The following MOXD1 variants were observed in gnomAD, a reference collection of about 807,000 sequenced individuals.
MOXD1 encodes the protein DBH-like monooxygenase protein 1.
Under a neutral mutation model 66.6 loss-of-function variants are expected in MOXD1, and 62 were observed. The ratio of observed to expected loss-of-function variants is 0.93; its 90% CI spans 0.76 to 1.15. MOXD1 has a LOEUF of 1.15. Ranked by LOEUF, MOXD1 falls within the 50% of genes most tolerant of loss-of-function variation. The pLI, the probability that MOXD1 is intolerant of heterozygous loss-of-function variation, is 0.00. For synonymous variants in MOXD1, 303 were observed against 281.9 expected (o/e 1.07, Z -0.75); for missense variants, 847 against 754.6 (o/e 1.12, Z -1.44).
chr6:132,354,722 G>C (rs1026963716), intron 4 of MOXD1, among the ~76,000 whole-genome samples: 1 of 152,212 alleles, frequency 6.6e-6, no homozygotes, highest in African/African-American at 2.4e-5. Context: ...ACTCCCAAGA[G>C]TATATAGCGT....
At chr6:132,355,985 G>C (rs1054575417) in intron 4 of MOXD1, among the ~76,000 whole-genome samples, 1 of 152,214 alleles carries the variant, frequency 6.6e-6, no homozygotes, top group African/African-American at 2.4e-5. Context: ...GCCAGACACA[G>C]AAGAGCACTA....
chr6:132,349,370 TATATATACATGTATATATATATACAC>T lies in MOXD1; in HGVS notation c.664-20802_664-20777del, dbSNP rs1263683794. The stretch of plus-strand genomic sequence containing the variant: ...ATATATAGATATATTCCATCATATA[TATATATACATGTATATATATATACAC>T]ATATATATACATATATATATATATA... On this transcript the variant is annotated intron_variant, in intron 4 of 11. Coordinates refer to ENST00000367963, the MANE Select transcript of MOXD1 (RefSeq NM_015529.4). Among the ~76,000 whole-genome samples the T allele has an allele frequency of 3.2e-3, 442 of 137,214 alleles. 78 individuals carry two copies. The highest frequency in any genetic ancestry group is 9.7e-3 in the African/African-American group (352 of 36,250). The allele number at this position is 137,214 out of a possible 152,430, so 90.0% of individuals were successfully genotyped here.
chr6:132,309,159 A>G (rs1040094879), intron 10 of MOXD1, among the ~76,000 whole-genome samples: 55 of 152,222 alleles, frequency 3.6e-4, no homozygotes, highest in Admixed American at 6.5e-5. Context: ...ACTGATAAGC[A>G]TCTTCAGCAA....
intron 4 of MOXD1, among the ~76,000 whole-genome samples, chr6:132,331,764 C>A (rs1386479398): frequency 6.6e-6 from 1 of 152,146 alleles, no homozygotes; most frequent in Non-Finnish European, 1.5e-5. Context: ...GGATTTTAAA[C>A]CAGGCTAGTG....
Position 132,297,281 on chromosome 6 carries a change from T to C in MOXD1, c.1714A>G (p.Arg572Gly), listed in dbSNP as rs1562274180. Residue 572 changes from arginine (R) to glycine (G), a missense_variant, in exon 12 of 12, where the codon AGA (arginine) becomes GGA (glycine). Physicochemically the swap from Arg to Gly is moderately radical, Grantham distance 125 (BLOSUM62 -2). Coordinates refer to ENST00000367963, the MANE Select transcript of MOXD1 (RefSeq NM_015529.4). ...ACCAAAGGTTCTGCTTTATAGGGTC[T>C]TTCTATATCTGGAGGTAATGCTGTC... is the stretch of plus-strand genomic sequence containing the variant. Reference protein sequence around the residue: ...GMTALPPDIERPYKAEPLVCG... With the variant: ...GMTALPPDIEGPYKAEPLVCG... 3 of 1,613,394 alleles carry C rather than the reference T, an allele frequency of 1.9e-6. No homozygotes were observed. Among genetic ancestry groups the C allele is most frequent in the South Asian group, 1.1e-5 (1 of 91,018 alleles).
chr6:132,338,336 ACCTGGTTCTGTTCTAGGTT>A (rs1180429896), intron 4 of MOXD1, among the ~76,000 whole-genome samples: 7 of 152,142 alleles, frequency 4.6e-5, no homozygotes, highest in Non-Finnish European at 5.9e-5. Context: ...TGCACCTACC[ACCTGGTTCTGTTCTAGGTT>A]CCTCATTTCT....
At chr6:132,383,797 C>G (rs143466704) in intron 1 of MOXD1, among the ~76,000 whole-genome samples, 12 of 152,290 alleles carry the variant, frequency 7.9e-5, no homozygotes, top group African/African-American at 2.9e-4. Context: ...TGGCTGGGTG[C>G]AGTGGCTCGC....
chr6:132,305,524 G>C (rs1260930995), intron 10 of MOXD1, among the ~76,000 whole-genome samples: 3 of 152,210 alleles, frequency 2.0e-5, no homozygotes, highest in Non-Finnish European at 4.4e-5. Flanking sequence ...AAAGTGCTTT[G>C]TAAAATGAGT....
At chr6:132,320,792 G>T (rs888550629) in intron 8 of MOXD1, 104 bp from the exon 9 acceptor site, 2 of 919,058 alleles carry the variant, frequency 2.2e-6, no homozygotes, top group Non-Finnish European at 1.7e-6. Context: ...GAATGGATGC[G>T]CCAAGTAATT....
chr6:132,390,549 G>A (rs1256000790), intron 1 of MOXD1: 1 of 151,480 alleles, frequency 6.6e-6, no homozygotes, highest in Admixed American at 6.6e-5. Flanking sequence ...TGATACCAAT[G>A]GTTTTATCTC....
chr6:132,314,622 C>T (rs1033304993), intron 10 of MOXD1, among the ~76,000 whole-genome samples: 2 of 152,090 alleles, frequency 1.3e-5, no homozygotes, highest in Non-Finnish European at 2.9e-5. Flanking sequence ...ACCACAGGGT[C>T]ATTCATTACA....
intron 10 of MOXD1, among the ~76,000 whole-genome samples, chr6:132,305,386 G>C (rs1774666111): frequency 6.6e-6 from 1 of 152,264 alleles, no homozygotes; most frequent in Non-Finnish European, 1.5e-5. Flanking sequence ...AAGCCCCTAA[G>C]GGGAGGGGTG....
At position 132,324,056 on chromosome 6, in the gene MOXD1, C is replaced by T. The variant is rs35248832; in HGVS notation, c.988G>A (p.Asp330Asn). 8.7e-3 allele frequency: 14,106 copies of T among 1,613,734 alleles called. 78 individuals are homozygous for T. Among genetic ancestry groups the T allele is most frequent in the Middle Eastern group, 0.018 (106 of 6,020 alleles). Residue 330 changes from aspartate (D) to asparagine (N), a missense_variant, in exon 7 of 12, where the codon GAT becomes AAT. Transcript: ENST00000367963. ...ACCCCAGCATCATATTTCCTTATAT[C>T]CATTGTGTAAAATAACCTCAGTCCA... ...NSGLRLFYTM[D>N]IRKYDAGVIE...
In MOXD1 at chr6:132,345,582, A is replaced by T. The variant is rs184810225; in HGVS notation, c.664-16988T>A. ...ATTCATTTTATATTTGTGGTAAGCTATCATACTTAATTAGATAATAGTCTC... is the reference window on the plus strand; with the variant it reads ...ATTCATTTTATATTTGTGGTAAGCTTTCATACTTAATTAGATAATAGTCTC... On this transcript the variant is annotated intron_variant, in intron 4 of 11. Transcript: ENST00000367963. Among the ~76,000 whole-genome samples the T allele has an allele frequency of 3.2e-3, 483 of 152,302 alleles. 4 individuals are homozygous for T. Among genetic ancestry groups the T allele is most frequent in the African/African-American group, 9.0e-3 (373 of 41,574 alleles).
intron 1 of MOXD1, among the ~76,000 whole-genome samples, chr6:132,376,064 T>G (rs1163585390): frequency 6.6e-6 from 1 of 152,196 alleles, no homozygotes; most frequent in Non-Finnish European, 1.5e-5. Flanking sequence ...TGTTGAGTCA[T>G]CCAAATCAAA....
Position 132,328,683 on chromosome 6 carries a change from G to C in MOXD1, c.664-89C>G, listed in dbSNP as rs1775247020. ...AAACGTGAAACTAGCATAAATTACT[G>C]TCAGTTTCTCAAAGGGATATTCTTC... On this transcript the variant is annotated intron_variant, in intron 4 of 11. Coordinates refer to ENST00000367963, the MANE Select transcript of MOXD1 (RefSeq NM_015529.4). 3.2e-6 allele frequency: 4 copies of C among 1,237,982 alleles called. No homozygotes were observed. The South Asian group carries it at 5.9e-5, about 18-fold the overall frequency. 76.7% of individuals were successfully genotyped at this position (1,237,982 alleles called of 1,614,324 possible).
At chr6:132,374,559 T>C (rs990902879) in intron 2 of MOXD1, 72 bp downstream of exon 2, 12 of 1,316,026 alleles carry the variant, frequency 9.1e-6, no homozygotes, top group Admixed American at 2.3e-5. Flanking sequence ...TTGTTTCTCT[T>C]ATTCTTTAAA....
At chr6:132,328,142 A>T in intron 5 of MOXD1, 27 bp from the exon 6 acceptor site, 1 of 1,579,146 alleles carries the variant, frequency 6.3e-7, no homozygotes, top group South Asian at 1.1e-5. Context: ...CCATGAGACA[A>T]TGTCCTATGA....
In MOXD1 at chr6:132,401,308, C is replaced by A; in HGVS notation, c.119G>T (p.Gly40Val). The A allele has an allele frequency of 6.3e-7, 1 of 1,595,420 alleles. No homozygotes were observed. Among genetic ancestry groups the A allele is most frequent in the Non-Finnish European group, 8.5e-7 (1 of 1,175,840 alleles). ...GATCTGGCTGCCCCGCTGGCTCCAG[C>A]CCAGCCAGTACTTGCCCTCCGAGTC... ...LLDSEGKYWL[G>V]WSQRGSQIAF... Residue 40 changes from glycine to valine, a missense_variant, in exon 1 of 12, where the codon GGC (glycine) becomes GTC (valine). Transcript: ENST00000367963.
Sources: allele counts gnomAD v4.1 joint callset (sites outside exome capture counted in the v4.1 genomes callset), GRCh38; gene constraint gnomAD v4.1.1; transcripts MANE v1.5; gene names NCBI Gene and HGNC (gene_info 2026-07-23, HGNC 2026-07-21).